The following TECRL variants were observed in gnomAD, a reference collection of about 807,000 sequenced individuals.
TECRL encodes trans-2,3-enoyl-CoA reductase like.
Under a neutral mutation model 52.8 loss-of-function variants are expected in TECRL, and 63 were observed. The observed-to-expected ratio is 1.19, with a 90% CI of 0.97 to 1.47. The LOEUF is 1.47. Ranked by LOEUF, TECRL falls within the 40% of genes most tolerant of loss-of-function variation. TECRL has a pLI of 0.00. For synonymous variants in TECRL, 164 were observed against 141.9 expected, an observed-to-expected ratio of 1.16 and a Z score of -1.10; for missense variants, 482 against 429.6, an observed-to-expected ratio of 1.12 and a Z score of -1.08.
chr4:64,398,502 C>T (rs147566886), intron 1 of TECRL, among the ~76,000 whole-genome samples: 2 of 152,216 alleles, frequency 1.3e-5, no homozygotes, highest in Admixed American at 6.5e-5. Flanking sequence ...TTATTTTCAC[C>T]ATATGATACA....
intron 1 of TECRL, among the ~76,000 whole-genome samples, chr4:64,399,614 C>G (rs1447659661): frequency 6.6e-6 from 1 of 152,164 alleles, no homozygotes; most frequent in Non-Finnish European, 1.5e-5. Context: ...TGCTGCCTTG[C>G]CTAGACCCAG....
chr4:64,350,045 C>T (rs1421194754), intron 2 of TECRL, among the ~76,000 whole-genome samples: 1 of 147,430 alleles, frequency 6.8e-6, no homozygotes, highest in East Asian at 2.0e-4. Context: ...TGCTTTTCTG[C>T]ATTTTAACAT....
chr4:64,337,512 G>A (rs1176752176), intron 2 of TECRL, among the ~76,000 whole-genome samples: 1 of 152,120 alleles, frequency 6.6e-6, no homozygotes, highest in East Asian at 1.9e-4. Flanking sequence ...TGACATGATT[G>A]TATATCTAGA....
At chr4:64,374,552 C>T (rs1225695667) in intron 2 of TECRL, among the ~76,000 whole-genome samples, 1 of 151,906 alleles carries the variant, frequency 6.6e-6, no homozygotes, top group Non-Finnish European at 1.5e-5. Context: ...CTAATGCTAT[C>T]CCTCCCCGCT....
At chr4:64,347,746 G>C (rs980077181) in intron 2 of TECRL, among the ~76,000 whole-genome samples, 3 of 152,248 alleles carry the variant, frequency 2.0e-5, no homozygotes, top group South Asian at 2.1e-4. Flanking sequence ...TCCTCTCTCT[G>C]TATGTGGGGA....
chr4:64,366,579 C>A (rs937714968), intron 2 of TECRL, among the ~76,000 whole-genome samples: 9 of 151,926 alleles, frequency 5.9e-5, no homozygotes, highest in African/African-American at 2.2e-4. Context: ...ATATAACAAA[C>A]GACTGCATTA....
intron 9 of TECRL, among the ~76,000 whole-genome samples, chr4:64,283,020 G>T (rs139779052): frequency 6.6e-6 from 1 of 152,040 alleles, no homozygotes; most frequent in African/African-American, 2.4e-5. Flanking sequence ...TACTGGCAGA[G>T]AAACTTCAAC....
intron 1 of TECRL, among the ~76,000 whole-genome samples, chr4:64,406,012 A>G (rs771456991): frequency 3.3e-5 from 5 of 152,094 alleles, no homozygotes; most frequent in Admixed American, 2.0e-4. Context: ...TGAGTGCCCA[A>G]ATGAATTGGG....
At chr4:64,289,321 A>G (rs1214111269) in intron 9 of TECRL, among the ~76,000 whole-genome samples, 1 of 152,224 alleles carries the variant, frequency 6.6e-6, no homozygotes, top group African/African-American at 2.4e-5. Context: ...GAAAAACTAA[A>G]GGTAATTTGA....
chr4:64,407,919 A>C (rs2109801648), intron 1 of TECRL, among the ~76,000 whole-genome samples: 1 of 151,518 alleles, frequency 6.6e-6, no homozygotes, highest in South Asian at 2.1e-4. Flanking sequence ...AAATAAATAT[A>C]TCAAAATTCT....
At chr4:64,341,719 C>A (rs1192213975) in intron 2 of TECRL, among the ~76,000 whole-genome samples, 2 of 152,176 alleles carry the variant, frequency 1.3e-5, no homozygotes, top group African/African-American at 4.8e-5. Flanking sequence ...CAGAGCCAGG[C>A]CTGTGACTCC....
chr4:64,295,906 G>A (rs1423005025), intron 8 of TECRL, among the ~76,000 whole-genome samples: 2 of 151,956 alleles, frequency 1.3e-5, no homozygotes, highest in African/African-American at 2.4e-5. Flanking sequence ...TTAATAAGTA[G>A]TGATCCCCAA....
At chr4:64,363,972 T>G (rs1586135) in intron 2 of TECRL, among the ~76,000 whole-genome samples, 136,633 of 152,034 alleles carry the variant, frequency 0.9, 62,055 homozygotes, top group East Asian at 1. Flanking sequence ...ATTATTATTT[T>G]CACACCACAC....
At chr4:64,391,900 G>A (rs553900615) in intron 1 of TECRL, among the ~76,000 whole-genome samples, 29 of 151,942 alleles carry the variant, frequency 1.9e-4, no homozygotes, top group African/African-American at 6.3e-4. Flanking sequence ...AATGATTGAA[G>A]GATCTTTAAA....
intron 4 of TECRL, among the ~76,000 whole-genome samples, chr4:64,317,393 CGTTTT>C (rs904740313): frequency 3.3e-5 from 5 of 151,330 alleles, no homozygotes; most frequent in African/African-American, 1.2e-4. Context: ...TAATGCATTT[CGTTTT>C]ATCTTGAAAA....
chr4:64,318,174 G>A (rs1406461150), intron 4 of TECRL, among the ~76,000 whole-genome samples: 1 of 151,806 alleles, frequency 6.6e-6, no homozygotes, highest in African/African-American at 2.4e-5. Flanking sequence ...GAAATATGCA[G>A]GTATACAAAG....
intron 2 of TECRL, among the ~76,000 whole-genome samples, chr4:64,331,368 C>A (rs988983563): frequency 3.6e-4 from 54 of 152,088 alleles, no homozygotes; most frequent in African/African-American, 1.2e-3. Flanking sequence ...AGCTGTAATA[C>A]TTCTGGGACA....
intron 2 of TECRL, among the ~76,000 whole-genome samples, chr4:64,352,595 T>C (rs1249432739): frequency 6.6e-6 from 1 of 152,234 alleles, no homozygotes; most frequent in East Asian, 1.9e-4. Flanking sequence ...TAGATGTTAA[T>C]TTGTATGTGA....
chr4:64,380,450 C>T (rs1282424054), intron 1 of TECRL, among the ~76,000 whole-genome samples: 1 of 151,916 alleles, frequency 6.6e-6, no homozygotes, highest in African/African-American at 2.4e-5. Context: ...GCTACCTATA[C>T]TTTTGAGGTC....
Sources: allele counts gnomAD v4.1 joint callset (sites outside exome capture counted in the v4.1 genomes callset), GRCh38; gene constraint gnomAD v4.1.1; transcripts MANE v1.5; gene names NCBI Gene and HGNC (gene_info 2026-07-23, HGNC 2026-07-21).